STXBP3: variants seen among roughly 807,000 people sequenced by gnomAD.
STXBP3 encodes syntaxin-binding protein 3.
Under a neutral mutation model 85.7 loss-of-function variants are expected in STXBP3, and 41 were observed. The ratio of observed to expected loss-of-function variants is 0.48; its 90% CI spans 0.37 to 0.62. STXBP3 has a LOEUF of 0.62. Ranked by LOEUF, STXBP3 falls within the 20% of genes least tolerant of loss-of-function variation. The pLI is 0.00. For missense variants in STXBP3, 563 were observed against 703.1 expected (o/e 0.80, Z 2.25); for synonymous variants, 229 against 231.7 (o/e 0.99, Z 0.10).
intron 1 of STXBP3, among the ~76,000 whole-genome samples, chr1:108,750,212 A>AT (rs1303337350): frequency 5.3e-5 from 8 of 152,252 alleles, no homozygotes; most frequent in African/African-American, 1.9e-4. Flanking sequence ...AATGTCTTCA[A>AT]TTTTCAGCTG....
intron 16 of STXBP3, among the ~76,000 whole-genome samples, chr1:108,799,175 A>C (rs1173221453): frequency 6.6e-6 from 1 of 152,192 alleles, no homozygotes; most frequent in Non-Finnish European, 1.5e-5. Context: ...TACAGTGCAT[A>C]ACTATGATTT....
In STXBP3 at chr1:108,753,063, A is replaced by G. The variant is rs770532862; in HGVS notation, c.100A>G (p.Ile34Val). The change falls in exon 3 of 19, where the codon ATA becomes GTA. Residue 34 changes from isoleucine to valine, a missense_variant and splice_region_variant. By Grantham distance (29) the Ile-to-Val change is conservative. Coordinates refer to ENST00000370008, the MANE Select transcript of STXBP3 (RefSeq NM_007269.4). The part of the protein sequence containing the change: ...DDCKKEGEWK[I>V]MLLDEFTTKL... Reference sequence around the variant, plus strand: ...TTTTTAAATTTGTGTTTGTTTTAAGATAATGCTTTTAGATGAATTTACCAC... The same window carrying G: ...TTTTTAAATTTGTGTTTGTTTTAAGGTAATGCTTTTAGATGAATTTACCAC... The G allele has an allele frequency of 2.9e-5, 45 of 1,564,098 alleles. No homozygotes were observed. The highest frequency in any genetic ancestry group is 1.6e-4 in the East Asian group (7 of 43,100).
chr1:108,761,257 A>T lies in STXBP3; in HGVS notation c.438+1172A>T, dbSNP rs1245155115. ...ATAATAATCCAAATTATAAGATTTT[A>T]ACATATCTGCTTAACATTAAACTGT... On this transcript the variant is annotated intron_variant, in intron 6 of 18. Transcript: ENST00000370008. 2.0e-5 allele frequency among the ~76,000 whole-genome samples: 3 copies of T among 152,152 alleles called. No homozygotes were observed. The East Asian group carries it at 5.8e-4, about 29-fold the overall frequency.
intron 1 of STXBP3, among the ~76,000 whole-genome samples, chr1:108,752,039 A>G (rs1464504032): frequency 6.6e-6 from 1 of 152,146 alleles, no homozygotes; most frequent in Non-Finnish European, 1.5e-5. Context: ...AACCCTTTTT[A>G]TAATACCTTT....
At chr1:108,799,024 A>T (rs1663174385) in intron 16 of STXBP3, among the ~76,000 whole-genome samples, 2 of 152,220 alleles carry the variant, frequency 1.3e-5, no homozygotes, top group African/African-American at 4.8e-5. Flanking sequence ...AATTATAGGA[A>T]ATTATAAAAT....
chr1:108,757,248 G>C (rs1662042129), intron 4 of STXBP3, among the ~76,000 whole-genome samples: 2 of 151,920 alleles, frequency 1.3e-5, no homozygotes, highest in Admixed American at 1.3e-4. Flanking sequence ...ACTCATACTT[G>C]ATGCCAACCT....
intron 7 of STXBP3, among the ~76,000 whole-genome samples, chr1:108,775,517 T>C (rs1160105539): frequency 6.6e-6 from 1 of 152,076 alleles, no homozygotes; most frequent in Non-Finnish European, 1.5e-5. Context: ...ATTCTACCTA[T>C]ATTTTTGTAC....
rs1662740847 is a variant in STXBP3 at position 108,782,684 on chromosome 1, CAAAG to C, written c.946_949del (p.Lys316GlnfsTer14). ...AAGCTTATGAAAGAAATTTCATCAA[CAAAG>C]AAAGCAACAGAAGGAAAGGTAAGAG... On this transcript the variant is annotated frameshift_variant, in exon 11 of 19. Coordinates refer to ENST00000370008, the MANE Select transcript of STXBP3 (RefSeq NM_007269.4). LOFTEE classifies it high-confidence loss of function. 3 of 1,607,930 alleles carry C rather than the reference CAAAG, an allele frequency of 1.9e-6. No homozygotes were observed. Among genetic ancestry groups the C allele is most frequent in the East Asian group, 2.2e-5 (1 of 44,688 alleles).
chr1:108,798,403 CTTCTTTTTTTTTTTTTTTTTTT>C (rs1325687948), intron 16 of STXBP3, among the ~76,000 whole-genome samples, 166 bp downstream of exon 16: 1 of 108,760 alleles, frequency 9.2e-6, no homozygotes, highest in Non-Finnish European at 1.9e-5. Flanking sequence ...GAAGATTCTT[CTTCTTTTTTTTTTTTTTTTTTT>C]TTCTTTTTGA....
chr1:108,770,602 G>A (rs1281866825), intron 6 of STXBP3, among the ~76,000 whole-genome samples: 1 of 152,146 alleles, frequency 6.6e-6, no homozygotes, highest in Non-Finnish European at 1.5e-5. Context: ...ATAACTGTGT[G>A]TAAAAGGAAA....
intron 11 of STXBP3, among the ~76,000 whole-genome samples, chr1:108,789,098 T>C (rs1662923706): frequency 6.6e-6 from 1 of 152,146 alleles, no homozygotes; most frequent in Non-Finnish European, 1.5e-5. Flanking sequence ...GCATATGTTA[T>C]TAATATTTCA....
At chr1:108,792,170 C>A (rs1162117176) in intron 11 of STXBP3, among the ~76,000 whole-genome samples, 3 of 152,150 alleles carry the variant, frequency 2.0e-5, no homozygotes, top group Non-Finnish European at 4.4e-5. Flanking sequence ...TTATATTTAA[C>A]TCTAGGACAT....
chr1:108,747,254 C>T (rs1369260794), intron 1 of STXBP3, among the ~76,000 whole-genome samples: 1 of 139,376 alleles, frequency 7.2e-6, no homozygotes, highest in Non-Finnish European at 1.6e-5. Context: ...TCTGCTTATT[C>T]GTGTTAGTAT....
rs761138455 is a variant in STXBP3 at position 108,772,776 on chromosome 1, G to A, written c.550G>A (p.Val184Met). 6.9e-6 allele frequency: 11 copies of A among 1,602,342 alleles called. No individual in the cohort carries two copies. The highest frequency in any genetic ancestry group is 1.3e-5 in the African/African-American group (1 of 74,282). Residue 184 changes from valine (V) to methionine (M), a missense_variant, in exon 7 of 19, where the codon GTG becomes ATG. Physicochemically the swap from Val to Met is conservative, Grantham distance 21. Around this residue, in one of 3 missense-constraint regions of STXBP3, gnomAD observed 494 missense variants for 592.8 expected, o/e 0.83. Coordinates refer to ENST00000370008, the MANE Select transcript of STXBP3 (RefSeq NM_007269.4). The part of the protein sequence containing the change: ...METMADQIVT[V>M]CATLDENPGV... ...AACAATGGCTGACCAGATAGTTACA[G>A]TGTGTGCCACCTTGGATGAAAATCC...
chr1:108,781,717 T>C (rs1265316692), intron 9 of STXBP3: 1 of 152,210 alleles, frequency 6.6e-6, no homozygotes, highest in Non-Finnish European at 1.5e-5. Context: ...ATTCCTGTTT[T>C]GTTTTGTTTG....
chr1:108,805,057 G>T (rs150383671), intron 17 of STXBP3, among the ~76,000 whole-genome samples: 155 of 152,232 alleles, frequency 1.0e-3, no homozygotes, highest in African/African-American at 3.5e-3. Context: ...AAGTTTTCAG[G>T]ATCTAGGGAT....
intron 6 of STXBP3, chr1:108,766,913 A>C (rs771383068): frequency 1.9e-6 from 1 of 531,868 alleles, no homozygotes; most frequent in Non-Finnish European, 3.8e-6. Flanking sequence ...AGAAACTGTA[A>C]TATGGAACTG....
chr1:108,772,819 G>C lies in STXBP3; in HGVS notation c.593G>C (p.Ser198Thr). 1 of 1,584,510 alleles carries C rather than the reference G, an allele frequency of 6.3e-7. No homozygotes were observed. The highest frequency in any genetic ancestry group is 8.6e-7 in the Non-Finnish European group (1 of 1,163,288). The change falls in exon 7 of 19, where the codon AGT becomes ACT. Residue 198 changes from serine (S) to threonine (T), a missense_variant and splice_region_variant. Coordinates refer to ENST00000370008, the MANE Select transcript of STXBP3 (RefSeq NM_007269.4). Reference protein sequence around the residue: ...LDENPGVRYKSKPLDNASKLA... With the variant: ...LDENPGVRYKTKPLDNASKLA... ...GAAAATCCCGGAGTAAGATATAAAA[G>C]GTAAGACACTGAGCATCTGCACATG...
In STXBP3 at chr1:108,776,316, C is replaced by T; in HGVS notation, c.594-17C>T. On this transcript the variant is annotated splice_polypyrimidine_tract_variant and intron_variant, in intron 7 of 18. Transcript: ENST00000370008. ...CTGAAAGAAAGATAATTGTTTGATC[C>T]TTTTTTCCATTTCTAGTAAACCTCT... 1 of 1,566,548 alleles carries T rather than the reference C, an allele frequency of 6.4e-7. No homozygotes were observed. The highest frequency in any genetic ancestry group is 8.7e-7 in the Non-Finnish European group (1 of 1,149,106).
Sources: gnomAD v4.1 joint callset for allele counts (sites outside exome capture counted in the v4.1 genomes callset) on GRCh38, gnomAD v4.1.1 for gene constraint, gnomAD v4.1.1 regional missense constraint, MANE v1.5 for transcripts, NCBI Gene and HGNC (gene_info 2026-07-23, HGNC 2026-07-21) for gene names.